FNDC1: variants seen among roughly 807,000 people sequenced by gnomAD.
FNDC1 encodes fibronectin type III domain-containing protein 1.
FNDC1 carries 96 observed loss-of-function variants against 168.0 expected under a neutral mutation model. The observed-to-expected ratio is 0.57, with a 90% CI of 0.48 to 0.68. The LOEUF (loss-of-function observed/expected upper bound fraction) is 0.68, where lower values mean the gene tolerates loss of function less well. Among genes scored for constraint, FNDC1 ranks in the 30% least tolerant of loss-of-function variants. FNDC1 has a pLI of 0.00. For missense variants in FNDC1, 2,587 were observed against 2,482.1 expected, an observed-to-expected ratio of 1.04 and a Z score of -0.90; for synonymous variants, 1,099 against 1,025.9, an observed-to-expected ratio of 1.07 and a Z score of -1.36.
At chr6:159,251,055 C>T (rs1245010988) in intron 16 of FNDC1, among the ~76,000 whole-genome samples, 1 of 152,116 alleles carries the variant, frequency 6.6e-6, no homozygotes, top group Non-Finnish European at 1.5e-5. Flanking sequence ...AACCACTTTG[C>T]GGGCATAGTC....
Position 159,232,225 on chromosome 6 carries a change from A to G in FNDC1, c.1713A>G (p.Arg571=), listed in dbSNP as rs267600880. The G allele has an allele frequency of 1.2e-6, 2 of 1,612,788 alleles. No individual in the cohort carries two copies. The highest frequency in any genetic ancestry group is 3.3e-5 in the Admixed American group (2 of 59,886). The part of the protein sequence containing the change: ...DQKRTLRPPS[R]HGHSVVAPGR... ...AACGGACCCTGAGGCCGCCAAGTAG[A>G]CACGGCCACTCGGTGGTTGCTCCCG... Residue 571 remains arginine (R), a synonymous_variant, in exon 11 of 23, where the codon AGA becomes AGG. Coordinates refer to ENST00000297267, the MANE Select transcript of FNDC1 (RefSeq NM_032532.3). This position sits in a 1 kb window ranked among gnomAD's most constrained non-coding sequence, Gnocchi z 4.9.
chr6:159,263,258 A>G (rs1003834813), intron 19 of FNDC1, among the ~76,000 whole-genome samples: 13 of 152,216 alleles, frequency 8.5e-5, no homozygotes, highest in African/African-American at 2.9e-4. Context: ...AGAGGACATC[A>G]GAACAAATGG....
Position 159,233,871 on chromosome 6 carries a change from G to A in FNDC1, c.3359G>A (p.Gly1120Glu). ...HQQVESPTGA[G>E]AGGDHRSQRG... ...CAGGTGGAGTCTCCCACAGGCGCAGGGGCAGGTGGCGACCACAGGTCCCAG... is the reference window on the plus strand; with the variant it reads ...CAGGTGGAGTCTCCCACAGGCGCAGAGGCAGGTGGCGACCACAGGTCCCAG... The change falls in exon 11 of 23, where the codon GGG (glycine) becomes GAG (glutamate). Residue 1120 changes from glycine (G) to glutamate (E), a missense_variant. By Grantham distance (98) the Gly-to-Glu change is moderately conservative. Coordinates refer to ENST00000297267, the MANE Select transcript of FNDC1 (RefSeq NM_032532.3). This position sits in a 1 kb window ranked among gnomAD's most constrained non-coding sequence, Gnocchi z 4.6. The A allele has an allele frequency of 1.3e-6, 2 of 1,547,236 alleles. No individual in the cohort carries two copies. Among genetic ancestry groups the A allele is most frequent in the South Asian group, 2.4e-5 (2 of 83,802 alleles).
intron 1 of FNDC1, among the ~76,000 whole-genome samples, chr6:159,190,816 C>T (rs772677281): frequency 3.3e-5 from 5 of 152,164 alleles, no homozygotes; most frequent in East Asian, 1.9e-4. Context: ...GAAACTGAAA[C>T]GTAATTTGTT....
chr6:159,213,863 T>G (rs1309705554), intron 4 of FNDC1, among the ~76,000 whole-genome samples: 1 of 152,206 alleles, frequency 6.6e-6, no homozygotes, highest in African/African-American at 2.4e-5. Context: ...TTTGGTTAGA[T>G]TCAGGACGTT....
chr6:159,193,122 ATG>A (rs367967927), intron 1 of FNDC1, among the ~76,000 whole-genome samples: 63 of 151,936 alleles, frequency 4.1e-4, no homozygotes, highest in African/African-American at 3.9e-4. Context: ...TCATGTGTGT[ATG>A]TGTGTGTGTG....
intron 21 of FNDC1, 62 bp from the exon 22 acceptor site, chr6:159,267,742 A>T (rs1444323972): frequency 1.3e-6 from 2 of 1,591,266 alleles, no homozygotes; most frequent in African/African-American, 1.3e-5. Context: ...GTGCAAAAAA[A>T]CTCCTAAACC....
At chr6:159,261,072 G>T in intron 18 of FNDC1, 118 bp from the exon 19 acceptor site, 1 of 712,544 alleles carries the variant, frequency 1.4e-6, no homozygotes, top group East Asian at 2.6e-5. Flanking sequence ...GTATGCATTT[G>T]TAAAAAGTAG....
In FNDC1 at chr6:159,232,353, C is replaced by T. The variant is rs767784916; in HGVS notation, c.1841C>T (p.Pro614Leu). 5.8e-5 allele frequency: 94 copies of T among 1,613,484 alleles called. No individual in the cohort carries two copies. Among genetic ancestry groups the T allele is most frequent in the Middle Eastern group, 1.6e-4 (1 of 6,084 alleles). The change falls in exon 11 of 23, where the codon CCC becomes CTC. Residue 614 changes from proline (P) to leucine (L), a missense_variant. Coordinates refer to ENST00000297267, the MANE Select transcript of FNDC1 (RefSeq NM_032532.3). This position sits in a 1 kb window ranked among gnomAD's most constrained non-coding sequence, Gnocchi z 4.9. ...ACGCAGCCCCGCCCAGGGGCGCCCCCCTCGGCTTCGGCCTCTCCTGCCCAC... is the reference window on the plus strand; with the variant it reads ...ACGCAGCCCCGCCCAGGGGCGCCCCTCTCGGCTTCGGCCTCTCCTGCCCAC... ...LATQPRPGAPPSASASPAHHA... is the reference protein window; with the variant it reads ...LATQPRPGAPLSASASPAHHA...
At chr6:159,212,385 T>C (rs1229703803) in intron 4 of FNDC1, among the ~76,000 whole-genome samples, 1 of 152,232 alleles carries the variant, frequency 6.6e-6, no homozygotes, top group Non-Finnish European at 1.5e-5. Context: ...AACACTTAAA[T>C]AGTTTAATTG....
Position 159,271,410 on chromosome 6 carries a change from G to C in FNDC1, c.5653G>C (p.Glu1885Gln). The C allele has an allele frequency of 6.2e-6, 10 of 1,611,558 alleles. No homozygotes were observed. The highest frequency in any genetic ancestry group is 8.5e-6 in the Non-Finnish European group (10 of 1,178,976). Residue 1885 changes from glutamate to glutamine, a missense_variant, in exon 23 of 23, where the codon GAG becomes CAG. Coordinates refer to ENST00000297267, the MANE Select transcript of FNDC1 (RefSeq NM_032532.3). ...GTPYYYVGWY[E>Q]CGVSIPGKW ...CCCCTACTACTATGTGGGCTGGTAC[G>C]AGTGTGGGGTCTCCATCCCTGGAAA...
At chr6:159,234,584 G>T in intron 11 of FNDC1, 105 bp downstream of exon 11, 1 of 1,053,174 alleles carries the variant, frequency 9.5e-7, no homozygotes. Context: ...CTATGTCCAC[G>T]CACCGTGTTA....
chr6:159,187,457 T>C (rs1782027354), intron 1 of FNDC1, among the ~76,000 whole-genome samples: 1 of 152,194 alleles, frequency 6.6e-6, no homozygotes, highest in African/African-American at 2.4e-5. Context: ...GATTTTATTT[T>C]TTGTACAGTT....
At chr6:159,239,446 T>G in intron 13 of FNDC1, 71 bp from the exon 14 acceptor site, 1 of 1,347,328 alleles carries the variant, frequency 7.4e-7, no homozygotes. Flanking sequence ...GAGAAGACAC[T>G]TATTGCTTGC....
At chr6:159,242,342 T>G (rs1231229914) in intron 14 of FNDC1, among the ~76,000 whole-genome samples, 2 of 152,094 alleles carry the variant, frequency 1.3e-5, no homozygotes, top group Non-Finnish European at 2.9e-5. Context: ...GAGGGTCAGG[T>G]AGGGGAAGAG....
chr6:159,169,684 G>A lies in FNDC1; in HGVS notation c.88G>A (p.Ala30Thr), dbSNP rs1379870219. The A allele has an allele frequency of 1.7e-6, 2 of 1,160,660 alleles. No individual in the cohort carries two copies. The highest frequency in any genetic ancestry group is 4.7e-5 in the Admixed American group (1 of 21,190). The allele number at this position is 1,160,660 out of a possible 1,614,324, so 71.9% of individuals were successfully genotyped here. A position where few individuals can be genotyped will look rare whatever the true frequency, so the allele number is the denominator to read the frequency against. The change falls in exon 1 of 23, where the codon GCC (alanine) becomes ACC (threonine). Residue 30 changes from alanine (A) to threonine (T), a missense_variant. Physicochemically the swap from Ala to Thr is moderately conservative, Grantham distance 58. Coordinates refer to ENST00000297267, the MANE Select transcript of FNDC1 (RefSeq NM_032532.3). This position sits in a 1 kb window ranked among gnomAD's most constrained non-coding sequence, Gnocchi z 6.8. The part of the protein sequence containing the change: ...LLLLAALLPV[A>T]SSAAASVDHP... ...GCTCTTGGCCGCGCTGCTCCCCGTC[G>A]CCTCCTCGGCGGCGGCCTCAGGTAC...
intron 1 of FNDC1, among the ~76,000 whole-genome samples, chr6:159,181,800 T>C (rs1314514476): frequency 1.3e-5 from 2 of 152,220 alleles, no homozygotes; most frequent in African/African-American, 2.4e-5. Context: ...TATTTTCTAA[T>C]TGAGACTTCC....
In FNDC1 at chr6:159,234,124, CT is replaced by C; in HGVS notation, c.3613del (p.Ser1205LeufsTer36). 1 of 1,604,430 alleles carries C rather than the reference CT, an allele frequency of 6.2e-7. No individual in the cohort carries two copies. Among genetic ancestry groups the C allele is most frequent in the Middle Eastern group, 1.7e-4 (1 of 6,012 alleles). The part of the protein sequence containing the change: ...LLSSSVPKWP[S>X]SSTPRGGKDA... ...TGTCTTCCTCTGTGCCAAAGTGGCC[CT>C]CTTCCTCCACTCCCAGGGGCGGCAA... On this transcript the variant is annotated frameshift_variant, in exon 11 of 23. Coordinates refer to ENST00000297267, the MANE Select transcript of FNDC1 (RefSeq NM_032532.3). LOFTEE classifies it high-confidence loss of function.
chr6:159,181,059 T>C (rs1041589235), intron 1 of FNDC1, among the ~76,000 whole-genome samples: 1 of 152,214 alleles, frequency 6.6e-6, no homozygotes, highest in Non-Finnish European at 1.5e-5. Flanking sequence ...ATCACCACAC[T>C]ATCTTCCACA....
Sources: gnomAD v4.1 joint callset for allele counts (sites outside exome capture counted in the v4.1 genomes callset) on GRCh38, gnomAD v4.1.1 for gene constraint, Gnocchi (gnomAD v3.1) non-coding constraint, MANE v1.5 for transcripts, NCBI Gene and HGNC (gene_info 2026-07-23, HGNC 2026-07-21) for gene names.